Variants in ZNF131 observed in about 807,000 individuals in gnomAD.
ZNF131 encodes zinc finger protein 131.
In ZNF131, 7 loss-of-function variants were observed where a neutral mutation model predicts 60.0. The observed-to-expected ratio is 0.12, with a 90% confidence interval of 0.07 to 0.22. The LOEUF is 0.22. ZNF131 is among the 10% of genes least tolerant of loss of function. The probability of loss-of-function intolerance (pLI) is 1.00; values close to 1 mark genes in which losing one functional copy is unlikely to be tolerated. For missense variants in ZNF131, 493 were observed against 740.9 expected (o/e 0.67, Z 3.88); for synonymous variants, 257 against 253.2 (o/e 1.01, Z -0.14).
In ZNF131 at chr5:43,132,130, C is replaced by G. The variant is rs534847407; in HGVS notation, c.227-7035C>G. Among the ~76,000 whole-genome samples the G allele has an allele frequency of 6.6e-5, 10 of 152,288 alleles. No homozygotes were observed. In the South Asian group the frequency reaches 2.1e-3, roughly 32 times the overall value. On this transcript the variant is annotated intron_variant, in intron 3 of 6. Coordinates refer to ENST00000682664, the MANE Select transcript of ZNF131 (RefSeq NM_001330707.2). ...TTTCATTCTACTTTGGAAACACTTACACATTGTTTTAAAAAGGATTTTTCT... is the reference window on the plus strand; with the variant it reads ...TTTCATTCTACTTTGGAAACACTTAGACATTGTTTTAAAAAGGATTTTTCT...
chr5:43,170,096 A>ATT (rs1187015446), intron 5 of ZNF131, among the ~76,000 whole-genome samples: 1 of 152,214 alleles, frequency 6.6e-6, no homozygotes, highest in Non-Finnish European at 1.5e-5. Context: ...TCAAATTGTC[A>ATT]TTTAAGGAGA....
chr5:43,130,205 A>AG (rs1258812406), intron 3 of ZNF131, among the ~76,000 whole-genome samples: 1 of 146,456 alleles, frequency 6.8e-6, no homozygotes. Context: ...TGGAGATTGC[A>AG]GTGAGCTGAG....
intron 4 of ZNF131, among the ~76,000 whole-genome samples, chr5:43,146,443 G>T (rs1209830284): frequency 6.6e-6 from 1 of 152,082 alleles, no homozygotes; most frequent in Non-Finnish European, 1.5e-5. Context: ...AACAAAATTA[G>T]CTGGGTGTGG....
At chr5:43,162,404 C>T (rs1255907171) in intron 5 of ZNF131, among the ~76,000 whole-genome samples, 1 of 150,884 alleles carries the variant, frequency 6.6e-6, no homozygotes, top group African/African-American at 2.4e-5. Flanking sequence ...CCAGCCTGGC[C>T]AACATGGTGA....
At chr5:43,140,119 G>T (rs1236540175) in intron 4 of ZNF131, among the ~76,000 whole-genome samples, 2 of 74,786 alleles carry the variant, frequency 2.7e-5, no homozygotes. Flanking sequence ...AGGAGCTGAG[G>T]TGGGAGGGGA....
At position 43,129,812 on chromosome 5, in the gene ZNF131, G is replaced by A. The variant is rs973461252; in HGVS notation, c.226+6502G>A. Reference sequence around the variant, plus strand: ...TGGGATTACAGGTGCGTGCCACCACGCCCGGCTACTTTTTGTATTTTTAGT... The same window carrying A: ...TGGGATTACAGGTGCGTGCCACCACACCCGGCTACTTTTTGTATTTTTAGT... On this transcript the variant is annotated intron_variant, in intron 3 of 6. Transcript: ENST00000682664. Among the ~76,000 whole-genome samples the A allele has an allele frequency of 9.2e-5, 14 of 152,086 alleles. No homozygotes were observed. In the South Asian group the frequency reaches 2.1e-3, roughly 23 times the overall value.
chr5:43,122,044 C>A lies in ZNF131; in HGVS notation c.-10C>A. 6.2e-7 allele frequency: 1 copy of A among 1,613,776 alleles called. No homozygotes were observed. The highest frequency in any genetic ancestry group is 8.5e-7 in the Non-Finnish European group (1 of 1,179,912). ...ATCATGCTCTTCTTTTGTAGAGCAG[C>A]CCGACGGCCATGGAGGCTGAAGAGA... is the stretch of plus-strand genomic sequence containing the variant. On this transcript the variant is annotated 5_prime_UTR_variant, in exon 2 of 7. Transcript: ENST00000682664.
intron 3 of ZNF131, among the ~76,000 whole-genome samples, chr5:43,128,092 T>A (rs1000222429): frequency 6.6e-6 from 1 of 152,238 alleles, no homozygotes; most frequent in African/African-American, 2.4e-5. Flanking sequence ...TAAGCATTTC[T>A]GTCAGGGAGA....
intron 3 of ZNF131, among the ~76,000 whole-genome samples, chr5:43,136,278 A>G (rs965877479): frequency 2.0e-5 from 3 of 152,186 alleles, no homozygotes; most frequent in East Asian, 3.8e-4. Flanking sequence ...TGTGATCCCA[A>G]GCTTTTCATA....
At chr5:43,143,454 C>A in intron 4 of ZNF131, 5 of 1,364,452 alleles carry the variant, frequency 3.7e-6, no homozygotes, top group South Asian at 1.5e-5. Flanking sequence ...TCATCTTCAA[C>A]TACACGCTGT....
chr5:43,134,599 T>C (rs1169104961), intron 3 of ZNF131, among the ~76,000 whole-genome samples: 1 of 151,676 alleles, frequency 6.6e-6, no homozygotes, highest in African/African-American at 2.4e-5. Flanking sequence ...TAGAAAACTT[T>C]AAAGACAACA....
intron 4 of ZNF131, among the ~76,000 whole-genome samples, chr5:43,141,433 T>A (rs904296268): frequency 8.5e-5 from 13 of 152,260 alleles, no homozygotes; most frequent in Admixed American, 4.6e-4. Flanking sequence ...CTTTTGCTGC[T>A]CATGATAGTG....
intron 3 of ZNF131, chr5:43,123,839 A>G (rs955047631): frequency 1.3e-5 from 2 of 152,506 alleles, no homozygotes; most frequent in Non-Finnish European, 2.9e-5. Flanking sequence ...CTACAATGGG[A>G]TGGATCAATA....
At position 43,174,877 on chromosome 5, in the gene ZNF131, A is replaced by C. The variant is rs770492663; in HGVS notation, c.1616A>C (p.His539Pro). The C allele has an allele frequency of 6.2e-7, 1 of 1,614,084 alleles. No individual in the cohort carries two copies. The highest frequency in any genetic ancestry group is 1.3e-5 in the African/African-American group (1 of 74,934). ...CAGACTGAAGAAGGTACTGAAGTAC[A>C]TGTAGAGGAGCTGCATGTTGAACGG... is the stretch of plus-strand genomic sequence containing the variant. ...RIQTEEGTEV[H>P]VEELHVERVN... The change falls in exon 7 of 7, where the codon CAT becomes CCT. Residue 539 changes from histidine to proline, a missense_variant. By Grantham distance (77) the His-to-Pro change is moderately conservative (BLOSUM62 -2). Transcript: ENST00000682664.
chr5:43,151,725 G>A (rs188168242), intron 4 of ZNF131, among the ~76,000 whole-genome samples: 53 of 151,658 alleles, frequency 3.5e-4, no homozygotes, highest in African/African-American at 1.2e-3. Context: ...ACGAGCCACC[G>A]CGCCTTGCCA....
chr5:43,125,744 CACTCCAGCCTGG>C (rs1372222545), intron 3 of ZNF131, among the ~76,000 whole-genome samples: 2 of 151,726 alleles, frequency 1.3e-5, no homozygotes, highest in Non-Finnish European at 2.9e-5. Flanking sequence ...CACGCCATTG[CACTCCAGCCTGG>C]GCAACAAGAG....
intron 3 of ZNF131, among the ~76,000 whole-genome samples, chr5:43,130,264 CAAAA>C (rs570313526): frequency 5.8e-5 from 4 of 68,386 alleles, no homozygotes; most frequent in African/African-American, 5.9e-5. Context: ...ACTCTGTCTC[CAAAA>C]AAAAAAAAAA....
At chr5:43,162,674 C>A (rs564027224) in intron 5 of ZNF131, among the ~76,000 whole-genome samples, 1 of 151,072 alleles carries the variant, frequency 6.6e-6, no homozygotes, top group Non-Finnish European at 1.5e-5. Context: ...GAGGCCGAGG[C>A]GGGTGGATAT....
In ZNF131 at chr5:43,175,295, C is replaced by T; in HGVS notation, c.*162C>T. 1.3e-6 allele frequency: 1 copy of T among 746,554 alleles called. No individual in the cohort carries two copies. Among genetic ancestry groups the T allele is most frequent in the Non-Finnish European group, 2.2e-6 (1 of 455,146 alleles). The allele number at this position is 746,554 out of a possible 1,614,324, so 46.2% of individuals were successfully genotyped here. ...CGTTGAAACACATTGATTCCCCTCC[C>T]CCTACTTATTGCCACAGAGGAGGGA... On this transcript the variant is annotated 3_prime_UTR_variant, in exon 7 of 7. Transcript: ENST00000682664.
Sources: allele counts gnomAD v4.1 joint callset (sites outside exome capture counted in the v4.1 genomes callset), GRCh38; gene constraint gnomAD v4.1.1; transcripts MANE v1.5; gene names NCBI Gene and HGNC (gene_info 2026-07-23, HGNC 2026-07-21).